Variants in WWOX observed in about 807,000 individuals in gnomAD.
WWOX encodes the protein WW domain-containing oxidoreductase.
A neutral mutation model predicts 46.2 loss-of-function variants in WWOX; 69 were observed. The ratio of observed to expected loss-of-function variants is 1.49; its 90% CI spans 1.23 to 1.82. The LOEUF is 1.82. WWOX is among the 40% of genes most tolerant of loss of function. The pLI, the probability that WWOX is intolerant of heterozygous loss-of-function variation, is 0.00. For synonymous variants in WWOX, 359 were observed against 202.6 expected, an observed-to-expected ratio of 1.77 and a Z score of -6.56; for missense variants, 919 against 542.6, an observed-to-expected ratio of 1.69 and a Z score of -6.89.
Position 78,862,959 on chromosome 16 carries a change from GT to G in WWOX, c.1057-348631del, listed in dbSNP as rs35529711. On this transcript the variant is annotated intron_variant, in intron 8 of 8. Coordinates refer to ENST00000566780, the MANE Select transcript of WWOX (RefSeq NM_016373.4). ...TTAGACATCATGGTGGTTATGCCAA[GT>G]TTTTTTTTTTTTTTTTTGAGATGGA... Among the ~76,000 whole-genome samples the G allele has an allele frequency of 9.2e-3, 1,230 of 133,586 alleles. 21 individuals are homozygous for G. The highest frequency in any genetic ancestry group is 0.031 in the African/African-American group (1,097 of 35,664). The allele number at this position is 133,586 out of a possible 152,430, so 87.6% of individuals were successfully genotyped here.
intron 8 of WWOX, among the ~76,000 whole-genome samples, chr16:78,603,021 C>T (rs926409801): frequency 1.3e-5 from 2 of 152,248 alleles, no homozygotes; most frequent in African/African-American, 4.8e-5. Context: ...TTGCCAGTAT[C>T]TAGCGTGTTT....
At chr16:78,328,193 A>T (rs1335986236) in intron 5 of WWOX, among the ~76,000 whole-genome samples, 1 of 151,862 alleles carries the variant, frequency 6.6e-6, no homozygotes, top group African/African-American at 2.4e-5. Flanking sequence ...CTTAAATTTC[A>T]CAGTCCCTTA....
At chr16:78,519,082 G>GTA (rs2043296416) in intron 8 of WWOX, among the ~76,000 whole-genome samples, 1 of 152,208 alleles carries the variant, frequency 6.6e-6, no homozygotes, top group Non-Finnish European at 1.5e-5. Flanking sequence ...ATAGATGGAT[G>GTA]TATAGTCTTT....
intron 8 of WWOX, among the ~76,000 whole-genome samples, chr16:78,449,633 A>G (rs2083643203): frequency 6.6e-6 from 1 of 152,076 alleles, no homozygotes; most frequent in Non-Finnish European, 1.5e-5. Flanking sequence ...CTCTTTCTGG[A>G]CTGAGAGAGG....
At chr16:78,455,683 C>CA (rs2083800548) in intron 8 of WWOX, among the ~76,000 whole-genome samples, 1 of 121,254 alleles carries the variant, frequency 8.2e-6, no homozygotes, top group Middle Eastern at 5.4e-3. Flanking sequence ...AAAATTGATG[C>CA]AAAAAATATG....
intron 8 of WWOX, among the ~76,000 whole-genome samples, chr16:78,715,248 G>C (rs994102631): frequency 6.6e-6 from 1 of 152,208 alleles, no homozygotes; most frequent in South Asian, 2.1e-4. Context: ...GTAACACACA[G>C]AGCTTTGTCT....
At position 78,889,657 on chromosome 16, in the gene WWOX, G is replaced by A. The variant is rs114144649; in HGVS notation, c.1057-321951G>A. ...AAATTTGTTGTTTCCTTTTCACTAG[G>A]TTTAAGTGAGAATATTTGTGAGCAA... On this transcript the variant is annotated intron_variant, in intron 8 of 8. Coordinates refer to ENST00000566780, the MANE Select transcript of WWOX (RefSeq NM_016373.4). 3.1e-3 allele frequency among the ~76,000 whole-genome samples: 470 copies of A among 152,240 alleles called. 5 individuals carry two copies. Among genetic ancestry groups the A allele is most frequent in the African/African-American group, 9.7e-3 (405 of 41,542 alleles).
intron 8 of WWOX, among the ~76,000 whole-genome samples, chr16:78,985,902 C>A (rs547330935): frequency 6.6e-6 from 1 of 152,224 alleles, no homozygotes; most frequent in Non-Finnish European, 1.5e-5. Context: ...TCCCGTCAGC[C>A]AGGATCCCTC....
rs1040792847 is a variant in WWOX, at chr16:78,631,356, C to G, written c.1056+198604C>G. On this transcript the variant is annotated intron_variant, in intron 8 of 8. Transcript: ENST00000566780. ...TTGCTGAGACAGAGCTGGACAGGTC[C>G]AGCATCCATTCCCCAAAACAGAACT... Among the ~76,000 whole-genome samples the G allele has an allele frequency of 2.6e-5, 4 of 152,066 alleles. No homozygotes were observed. In the East Asian group the frequency reaches 5.8e-4, roughly 22 times the overall value.
At chr16:79,150,190 A>T (rs1046445573) in intron 8 of WWOX, among the ~76,000 whole-genome samples, 9 of 152,190 alleles carry the variant, frequency 5.9e-5, no homozygotes, top group Admixed American at 3.3e-4. Flanking sequence ...TTCTTGTTAG[A>T]GGTAGAAGAG....
At chr16:78,912,837 G>T (rs376472099) in intron 8 of WWOX, among the ~76,000 whole-genome samples, 2 of 152,056 alleles carry the variant, frequency 1.3e-5, no homozygotes, top group African/African-American at 4.8e-5. Flanking sequence ...CCCTCAAGAG[G>T]TCAGACGTAT....
intron 5 of WWOX, among the ~76,000 whole-genome samples, chr16:78,200,979 A>T (rs1033748742): frequency 2.0e-5 from 3 of 152,228 alleles, no homozygotes; most frequent in African/African-American, 7.2e-5. Flanking sequence ...TGCCTTTTAA[A>T]TAGACATAGC....
chr16:78,948,919 G>A (rs931178176), intron 8 of WWOX, among the ~76,000 whole-genome samples: 1 of 152,144 alleles, frequency 6.6e-6, no homozygotes, highest in African/African-American at 2.4e-5. Context: ...TCGGAGAGAT[G>A]TGGCAGAGGG....
intron 1 of WWOX, among the ~76,000 whole-genome samples, chr16:78,103,108 C>A (rs1323803387): frequency 6.6e-6 from 1 of 152,116 alleles, no homozygotes; most frequent in Non-Finnish European, 1.5e-5. Flanking sequence ...TGCTGCCTGG[C>A]CTTTCTCCCA....
chr16:78,104,529 A>G (rs1208238299), intron 1 of WWOX, among the ~76,000 whole-genome samples: 1 of 152,114 alleles, frequency 6.6e-6, no homozygotes, highest in African/African-American at 2.4e-5. Context: ...AAAACACCCC[A>G]TACGTGGAAG....
intron 8 of WWOX, among the ~76,000 whole-genome samples, chr16:78,930,677 T>C (rs1036727539): frequency 4.6e-5 from 7 of 151,804 alleles, no homozygotes; most frequent in East Asian, 1.9e-4. Context: ...GTTAATCCTA[T>C]TGAGTAAATG....
chr16:78,347,793 A>G (rs1311852714), intron 5 of WWOX, among the ~76,000 whole-genome samples: 2 of 121,392 alleles, frequency 1.6e-5, no homozygotes, highest in East Asian at 3.9e-4. Context: ...AATATTTCTA[A>G]CCTCTGGCCT....
chr16:78,752,020 T>C (rs115554195), intron 8 of WWOX, among the ~76,000 whole-genome samples: 1 of 145,490 alleles, frequency 6.9e-6, no homozygotes, highest in Admixed American at 6.8e-5. Context: ...AGGAGGAGGA[T>C]GAGGAGAGAG....
rs140812275 is a variant in WWOX at position 78,752,462 on chromosome 16, A to G, written c.1056+319710A>G. On this transcript the variant is annotated intron_variant, in intron 8 of 8. Coordinates refer to ENST00000566780, the MANE Select transcript of WWOX (RefSeq NM_016373.4). ...ACCACCACACCTGGCTAATTTTTGT[A>G]TTTTTAGTAGACACGGGATTTCGCC... is the stretch of plus-strand genomic sequence containing the variant. Among the ~76,000 whole-genome samples, 565 of 152,188 alleles carry G rather than the reference A, an allele frequency of 3.7e-3. 2 individuals are homozygous for G. Among genetic ancestry groups the G allele is most frequent in the African/African-American group, 0.012 (515 of 41,538 alleles).
Sources: allele counts gnomAD v4.1 joint callset (sites outside exome capture counted in the v4.1 genomes callset), GRCh38; gene constraint gnomAD v4.1.1; transcripts MANE v1.5; gene names NCBI Gene and HGNC (gene_info 2026-07-23, HGNC 2026-07-21).